TMTC2: variants seen among roughly 807,000 people sequenced by gnomAD.
The protein encoded by TMTC2 is protein O-mannosyl-transferase TMTC2.
In TMTC2, 43 loss-of-function variants were observed where a neutral mutation model predicts 82.4. That is an observed-to-expected ratio of 0.52 (90% confidence interval 0.41 to 0.67). TMTC2 has a LOEUF of 0.67. TMTC2 is among the 30% of genes least tolerant of loss of function. The pLI is 0.00. For synonymous variants in TMTC2, 408 were observed against 381.9 expected (o/e 1.07, Z -0.80); for missense variants, 919 against 1,012.4 (o/e 0.91, Z 1.25).
chr12:82,717,318 G>A (rs535986803), intron 1 of TMTC2, among the ~76,000 whole-genome samples: 10 of 151,656 alleles, frequency 6.6e-5, no homozygotes, highest in African/African-American at 2.4e-4. Flanking sequence ...TCCACCTCCT[G>A]GGTTCAAGCG....
chr12:83,021,954 A>G (rs2137405591), intron 8 of TMTC2: 1 of 152,266 alleles, frequency 6.6e-6, no homozygotes, highest in Non-Finnish European at 1.5e-5. Flanking sequence ...GCTCTTGTAC[A>G]AGGACGTCAC....
chr12:82,780,518 G>T (rs145160641), intron 1 of TMTC2, among the ~76,000 whole-genome samples: 1 of 151,954 alleles, frequency 6.6e-6, no homozygotes, highest in East Asian at 1.9e-4. Flanking sequence ...ACCTTGTGAT[G>T]TGAATATATT....
At chr12:83,030,495 T>A (rs915290843) in intron 8 of TMTC2, among the ~76,000 whole-genome samples, 10 of 152,118 alleles carry the variant, frequency 6.6e-5, no homozygotes. Flanking sequence ...CTGTCTTGTC[T>A]TTCTGGTTTC....
At position 82,692,870 on chromosome 12, in the gene TMTC2, T is replaced by C. The variant is rs931580847; in HGVS notation, c.83+5201T>C. On this transcript the variant is annotated intron_variant, in intron 1 of 11. Transcript: ENST00000321196. ...AGGACTGCATACCTTCTTTTTTTCA[T>C]TGGGTGAAAAAGGCATAATATTTTG... Among the ~76,000 whole-genome samples the C allele has an allele frequency of 2.6e-5, 4 of 152,200 alleles. No individual in the cohort carries two copies. The East Asian group carries it at 5.8e-4, about 22-fold the overall frequency.
intron 11 of TMTC2, among the ~76,000 whole-genome samples, chr12:83,101,562 C>T (rs1373093411): frequency 6.6e-6 from 1 of 152,098 alleles, no homozygotes; most frequent in Non-Finnish European, 1.5e-5. Flanking sequence ...GAATCACCAC[C>T]AATGTTTATC....
intron 1 of TMTC2, among the ~76,000 whole-genome samples, chr12:82,730,748 G>A (rs1307758864): frequency 5.9e-5 from 9 of 152,158 alleles, no homozygotes. Context: ...AGTTGTGGCC[G>A]TACATCAATA....
intron 1 of TMTC2, among the ~76,000 whole-genome samples, chr12:82,699,401 C>A (rs1872965084): frequency 6.6e-6 from 1 of 152,186 alleles, no homozygotes; most frequent in Non-Finnish European, 1.5e-5. Flanking sequence ...AGTAAACCGA[C>A]CAATTACAGT....
chr12:82,728,169 C>T (rs888302835), intron 1 of TMTC2, among the ~76,000 whole-genome samples: 1 of 151,930 alleles, frequency 6.6e-6, no homozygotes, highest in African/African-American at 2.4e-5. Flanking sequence ...CAACTGCTTA[C>T]TTGGTTAGGT....
intron 1 of TMTC2, among the ~76,000 whole-genome samples, chr12:82,695,854 C>T (rs1872765648): frequency 6.6e-6 from 1 of 152,154 alleles, no homozygotes; most frequent in African/African-American, 2.4e-5. Flanking sequence ...GGGCTGGCAG[C>T]TGAAATTAGC....
At chr12:83,077,339 A>G (rs1003261604) in intron 11 of TMTC2, among the ~76,000 whole-genome samples, 3 of 152,116 alleles carry the variant, frequency 2.0e-5, no homozygotes, top group Admixed American at 6.5e-5. Flanking sequence ...AACCCGAACA[A>G]ACAGACCTTG....
intron 1 of TMTC2, among the ~76,000 whole-genome samples, chr12:82,852,411 ACTAT>A (rs1262494195): frequency 1.3e-5 from 2 of 151,974 alleles, no homozygotes; most frequent in Non-Finnish European, 1.5e-5. Flanking sequence ...CCGGCCAGAG[ACTAT>A]CTTTTTGCTT....
chr12:82,868,503 CT>C (rs1210686758), intron 2 of TMTC2, among the ~76,000 whole-genome samples: 1 of 152,140 alleles, frequency 6.6e-6, no homozygotes, highest in Admixed American at 6.5e-5. Flanking sequence ...TCATCTCATA[CT>C]TTCAGAGCCT....
At chr12:83,038,690 A>T (rs1881767718) in intron 9 of TMTC2, among the ~76,000 whole-genome samples, 1 of 152,194 alleles carries the variant, frequency 6.6e-6, no homozygotes, top group Non-Finnish European at 1.5e-5. Context: ...AAAAAAATAA[A>T]AATTATACAT....
chr12:83,067,227 G>A lies in TMTC2; in HGVS notation c.2331+5396G>A, dbSNP rs113994845. Among the ~76,000 whole-genome samples, 390 of 152,090 alleles carry A rather than the reference G, an allele frequency of 2.6e-3. 3 individuals are homozygous for A. Among genetic ancestry groups the A allele is most frequent in the African/African-American group, 8.9e-3 (369 of 41,518 alleles). On this transcript the variant is annotated intron_variant, in intron 11 of 11. Coordinates refer to ENST00000321196, the MANE Select transcript of TMTC2 (RefSeq NM_152588.3). Reference sequence around the variant, plus strand: ...AGAGTAAGGATATTTGTGCCCTTTGGGAGTGCAGTTTCACATAAGTGATGT... The same window carrying A: ...AGAGTAAGGATATTTGTGCCCTTTGAGAGTGCAGTTTCACATAAGTGATGT...
chr12:83,128,074 C>G (rs1353948215), intron 11 of TMTC2, among the ~76,000 whole-genome samples: 2 of 152,080 alleles, frequency 1.3e-5, no homozygotes, highest in Non-Finnish European at 2.9e-5. Context: ...AGCAGGAGCC[C>G]CATGTTACTG....
At chr12:82,998,992 TAATAC>T (rs1347609005) in intron 8 of TMTC2, among the ~76,000 whole-genome samples, 1 of 152,202 alleles carries the variant, frequency 6.6e-6, no homozygotes, top group Non-Finnish European at 1.5e-5. Context: ...ATTATTAATA[TAATAC>T]ATTAGTATGA....
rs1394108529 is a variant in TMTC2, at chr12:82,896,435, A to G, written c.1272A>G (p.Leu424=). Residue 424 remains leucine, a synonymous_variant, in exon 3 of 12, where the codon TTA becomes TTG. Coordinates refer to ENST00000321196, the MANE Select transcript of TMTC2 (RefSeq NM_152588.3). ...GCTTTGTAATTGCAGAGCGAGTATT[A>G]TATATTCCTAGTATGGGCTTCTGCC... ...YVGFVIAERV[L]YIPSMGFCLL... 1.9e-6 allele frequency: 3 copies of G among 1,614,138 alleles called. No individual in the cohort carries two copies. Among genetic ancestry groups the G allele is most frequent in the Non-Finnish European group, 2.5e-6 (3 of 1,180,038 alleles).
chr12:83,006,754 C>T (rs1419006126), intron 8 of TMTC2, among the ~76,000 whole-genome samples: 1 of 152,088 alleles, frequency 6.6e-6, no homozygotes, highest in Non-Finnish European at 1.5e-5. Flanking sequence ...ACATATATAC[C>T]ATGGAATGCT....
intron 4 of TMTC2, among the ~76,000 whole-genome samples, chr12:82,936,283 T>C (rs898912922): frequency 2.0e-5 from 3 of 152,084 alleles, no homozygotes; most frequent in Non-Finnish European, 4.4e-5. Flanking sequence ...CTGTCAAATC[T>C]TCGATGAAGT....
Sources: gnomAD v4.1 joint callset for allele counts (sites outside exome capture counted in the v4.1 genomes callset) on GRCh38, gnomAD v4.1.1 for gene constraint, MANE v1.5 for transcripts, NCBI Gene and HGNC (gene_info 2026-07-23, HGNC 2026-07-21) for gene names.